The following KLHDC1 variants were observed in gnomAD, a reference collection of about 807,000 sequenced individuals.
KLHDC1 encodes the protein kelch domain-containing protein 1.
A neutral mutation model predicts 68.3 loss-of-function variants in KLHDC1; 53 were observed. The ratio of observed to expected loss-of-function variants is 0.78; its 90% CI spans 0.62 to 0.98. The LOEUF (loss-of-function observed/expected upper bound fraction) is 0.98, where lower values mean the gene tolerates loss of function less well. Among genes scored for constraint, KLHDC1 ranks in the 50% least tolerant of loss-of-function variants. KLHDC1 has a pLI of 0.00. For missense variants in KLHDC1, 470 were observed against 492.3 expected, an observed-to-expected ratio of 0.95 and a Z score of 0.43; for synonymous variants, 148 against 159.0, an observed-to-expected ratio of 0.93 and a Z score of 0.52.
intron 1 of KLHDC1, among the ~76,000 whole-genome samples, chr14:49,697,023 G>A (rs1202141572): frequency 6.6e-6 from 1 of 151,394 alleles, no homozygotes. Context: ...TGCAAGCTCT[G>A]CCTCCTGGGT....
chr14:49,730,572 C>T (rs1202202101), intron 8 of KLHDC1, among the ~76,000 whole-genome samples: 1 of 152,006 alleles, frequency 6.6e-6, no homozygotes, highest in African/African-American at 2.4e-5. Flanking sequence ...TCCACAAGAA[C>T]TCAGTAAATC....
At chr14:49,728,872 A>G in intron 6 of KLHDC1, 54 bp from the exon 7 acceptor site, 1 of 1,223,140 alleles carries the variant, frequency 8.2e-7, no homozygotes, top group Non-Finnish European at 1.2e-6. Context: ...TAGGAATGTA[A>G]CTTTATTACA....
chr14:49,716,170 G>C (rs1888371747), intron 4 of KLHDC1, among the ~76,000 whole-genome samples: 1 of 152,152 alleles, frequency 6.6e-6, no homozygotes, highest in Non-Finnish European at 1.5e-5. Flanking sequence ...CGTATAAAGG[G>C]AGTATCTTTG....
chr14:49,708,969 T>C (rs1281436582), intron 1 of KLHDC1, among the ~76,000 whole-genome samples, 190 bp from the exon 2 acceptor site: 1 of 152,062 alleles, frequency 6.6e-6, no homozygotes, highest in Non-Finnish European at 1.5e-5. Context: ...TCCTTTATTG[T>C]TTTCCCACTT....
intron 1 of KLHDC1, among the ~76,000 whole-genome samples, chr14:49,696,752 C>G (rs1475321317): frequency 6.6e-6 from 1 of 152,156 alleles, no homozygotes; most frequent in Non-Finnish European, 1.5e-5. Context: ...CCTTTAAGAA[C>G]TTTCCGTTTG....
At position 49,753,051 on chromosome 14, in the gene KLHDC1, A is replaced by C. The variant is rs151327141; in HGVS notation, c.*1279A>C. ...GGATGTGTAAAGCTTCTATGTATTG[A>C]AATATTTTTTTACGTTTTATTTATT... On this transcript the variant is annotated 3_prime_UTR_variant, in exon 13 of 13. Coordinates refer to ENST00000359332, the MANE Select transcript of KLHDC1 (RefSeq NM_172193.3). 62 of 152,208 alleles carry C rather than the reference A, an allele frequency of 4.1e-4. No individual in the cohort carries two copies. Among genetic ancestry groups the C allele is most frequent in the African/African-American group, 1.5e-3 (62 of 41,560 alleles). 9.4% of individuals were successfully genotyped at this position (152,208 alleles called of 1,614,324 possible). A position where few individuals can be genotyped will look rare whatever the true frequency, so the allele number is the denominator to read the frequency against.
intron 1 of KLHDC1, among the ~76,000 whole-genome samples, chr14:49,693,799 AG>A (rs1887652885): frequency 9.8e-6 from 1 of 101,694 alleles, no homozygotes; most frequent in South Asian, 3.9e-4. Context: ...CCAGGGCTGG[AG>A]TGCAATGGAA....
chr14:49,743,637 A>AT (rs904055371), intron 11 of KLHDC1, 116 bp from the exon 12 acceptor site: 20 of 633,854 alleles, frequency 3.2e-5, no homozygotes, highest in African/African-American at 2.8e-4. Flanking sequence ...AGCTAGAAAG[A>AT]TTTATTTGCT....
At chr14:49,749,822 G>T (rs1327948934) in intron 12 of KLHDC1, among the ~76,000 whole-genome samples, 1 of 152,154 alleles carries the variant, frequency 6.6e-6, no homozygotes, top group Non-Finnish European at 1.5e-5. Flanking sequence ...ACTTTGTGAG[G>T]CCAAGGTGGG....
In KLHDC1 at chr14:49,751,715, A is replaced by G. The variant is rs776954384; in HGVS notation, c.1164A>G (p.Glu388=). 6 of 1,605,734 alleles carry G rather than the reference A, an allele frequency of 3.7e-6. No homozygotes were observed. Among genetic ancestry groups the G allele is most frequent in the Non-Finnish European group, 4.3e-6 (5 of 1,175,410 alleles). The change falls in exon 13 of 13, where the codon GAA becomes GAG. Residue 388 remains glutamate, a synonymous_variant. Coordinates refer to ENST00000359332, the MANE Select transcript of KLHDC1 (RefSeq NM_172193.3). ...GGGCTGCAGCTAATCACCGAGAAGA[A>G]CAAAGAGTCCAAAAAGAAGAAACAG... ...TFWAAANHRE[E]QRVQKEETEN...
intron 1 of KLHDC1, among the ~76,000 whole-genome samples, chr14:49,694,739 A>C (rs1887683484): frequency 6.6e-6 from 1 of 152,126 alleles, no homozygotes; most frequent in Non-Finnish European, 1.5e-5. Flanking sequence ...TTGTAATCCC[A>C]GCTACTCGGG....
intron 4 of KLHDC1, among the ~76,000 whole-genome samples, chr14:49,718,311 C>G (rs1300524432): frequency 1.3e-5 from 2 of 151,372 alleles, no homozygotes; most frequent in African/African-American, 4.9e-5. Flanking sequence ...GAGACAGGGT[C>G]TCACCTTTGC....
intron 4 of KLHDC1, among the ~76,000 whole-genome samples, chr14:49,721,695 C>CT (rs1267415116): frequency 6.6e-6 from 1 of 152,096 alleles, no homozygotes; most frequent in Non-Finnish European, 1.5e-5. Context: ...TATTTGGACA[C>CT]TGAGATTTTC....
At chr14:49,693,569 C>T (rs963469374) in intron 1 of KLHDC1, among the ~76,000 whole-genome samples, 4 of 151,720 alleles carry the variant, frequency 2.6e-5, no homozygotes, top group Non-Finnish European at 5.9e-5. Context: ...ACGGTTTGCC[C>T]AATGCAAAGG....
intron 1 of KLHDC1, 107 bp downstream of exon 1, chr14:49,693,397 G>A: frequency 1.4e-6 from 1 of 734,684 alleles, no homozygotes; most frequent in Non-Finnish European, 1.9e-6. Context: ...CAGGCCTGGC[G>A]CGCCCGGCGC....
intron 4 of KLHDC1, among the ~76,000 whole-genome samples, chr14:49,723,267 T>C (rs1594667975): frequency 6.6e-6 from 1 of 150,778 alleles, no homozygotes; most frequent in African/African-American, 2.4e-5. Context: ...CCAAACCATA[T>C]CGCGCCTGTA....
At chr14:49,712,074 T>C (rs1338311150) in intron 4 of KLHDC1, among the ~76,000 whole-genome samples, 3 of 151,570 alleles carry the variant, frequency 2.0e-5, no homozygotes, top group Admixed American at 1.3e-4. Flanking sequence ...CATACCACCA[T>C]GCCTGGTTAA....
chr14:49,719,075 C>T (rs1000457596), intron 4 of KLHDC1, among the ~76,000 whole-genome samples: 3 of 152,042 alleles, frequency 2.0e-5, no homozygotes, highest in African/African-American at 7.2e-5. Context: ...CCACCCCGCC[C>T]AGCCTGTTGT....
Position 49,723,875 on chromosome 14 carries a change from CTA to C in KLHDC1, c.407_408del (p.Leu136HisfsTer9). On this transcript the variant is annotated frameshift_variant and splice_region_variant, in exon 5 of 13. Transcript: ENST00000359332. LOFTEE classifies it high-confidence loss of function. ...KLSCWVYKDRLIYFGGYGCRR... is the reference protein window; with the variant it reads ...KLSCWVYKDRXIYFGGYGCRR... ...TGTCATTTCGTATTTGTTTTTCAGA[CTA>C]ATATATTTTGGTGGTTATGGGTGTA... 5.1e-6 allele frequency: 8 copies of C among 1,563,010 alleles called. No homozygotes were observed. The highest frequency in any genetic ancestry group is 7.0e-6 in the Non-Finnish European group (8 of 1,143,050).
Sources: gnomAD v4.1 joint callset for allele counts (sites outside exome capture counted in the v4.1 genomes callset) on GRCh38, gnomAD v4.1.1 for gene constraint, MANE v1.5 for transcripts, NCBI Gene and HGNC (gene_info 2026-07-23, HGNC 2026-07-21) for gene names.